Variants in SGF29 observed in about 807,000 individuals in gnomAD.
SGF29 encodes SAGA complex associated factor 29, also known as SAGA-associated factor 29.
SGF29 carries 15 observed loss-of-function variants against 38.1 expected under a neutral mutation model. That is an observed-to-expected ratio of 0.39 (90% CI 0.26 to 0.61). The LOEUF is 0.61. Among genes scored for constraint, SGF29 ranks in the 20% least tolerant of loss-of-function variants. SGF29 has a pLI of 0.49. For synonymous variants in SGF29, 151 were observed against 160.8 expected (o/e 0.94, Z 0.46); for missense variants, 184 against 394.6 (o/e 0.47, Z 4.52).
At chr16:28,564,625 A>G (rs1023107425) in intron 1 of SGF29, among the ~76,000 whole-genome samples, 17 of 124,134 alleles carry the variant, frequency 1.4e-4, no homozygotes, top group East Asian at 4.1e-4. Flanking sequence ...ACATATATGC[A>G]TATATATACG....
chr16:28,562,673 C>T (rs748848302), intron 1 of SGF29, among the ~76,000 whole-genome samples: 10 of 151,880 alleles, frequency 6.6e-5, no homozygotes. Flanking sequence ...GAGGCTGAGG[C>T]GGGAGGATTG....
At chr16:28,560,690 A>T (rs929006256) in intron 1 of SGF29, among the ~76,000 whole-genome samples, 10 of 152,156 alleles carry the variant, frequency 6.6e-5, no homozygotes, top group Non-Finnish European at 1.3e-4. Context: ...GGCCCGGCGC[A>T]GTGGCTCACG....
intron 1 of SGF29, among the ~76,000 whole-genome samples, chr16:28,561,616 G>C (rs570168850): frequency 6.6e-6 from 1 of 152,266 alleles, no homozygotes; most frequent in East Asian, 1.9e-4. Flanking sequence ...GTGGGAACAC[G>C]AGCATGCTAG....
At chr16:28,588,819 C>A in intron 4 of SGF29, 1 of 374,112 alleles carries the variant, frequency 2.7e-6, no homozygotes, top group Non-Finnish European at 5.2e-6. Context: ...GATCCACACT[C>A]CTCGGCCTCC....
chr16:28,590,920 T>C lies in SGF29; in HGVS notation c.750T>C (p.His250=), dbSNP rs763813661. Residue 250 remains histidine (H), a synonymous_variant, in exon 9 of 10, where the codon CAT becomes CAC. Transcript: ENST00000317058. The surrounding 1 kb of genome is among the most constrained non-coding windows in gnomAD (Gnocchi z 8.2). ...QTTCFYRALI[H]APPQRPQDDY... ...CCTGCTTCTACCGCGCCCTGATCCA[T>C]GCGCCCCCACAGCGGGTAAAGCAGC... 3.7e-6 allele frequency: 6 copies of C among 1,610,958 alleles called. No homozygotes were observed. Among genetic ancestry groups the C allele is most frequent in the East Asian group, 2.2e-5 (1 of 44,780 alleles).
rs1714750187 is a variant in SGF29, at chr16:28,571,314, C to G, written c.-15-9741C>G. ...GTGAGCAATAAATTTCTGTTGTTGG[C>G]CAGGCATGGTGGCTCACGCCTGTAA... is the stretch of plus-strand genomic sequence containing the variant. On this transcript the variant is annotated intron_variant, in intron 1 of 9. Transcript: ENST00000317058. 2.0e-5 allele frequency among the ~76,000 whole-genome samples: 3 copies of G among 152,174 alleles called. No homozygotes were observed. The South Asian group carries it at 6.2e-4, about 32-fold the overall frequency.
chr16:28,579,006 C>T (rs949310619), intron 1 of SGF29, among the ~76,000 whole-genome samples: 2 of 152,022 alleles, frequency 1.3e-5, no homozygotes, highest in South Asian at 2.1e-4. Context: ...AGGCTGATCT[C>T]GAGCTCCTGG....
intron 1 of SGF29, among the ~76,000 whole-genome samples, chr16:28,563,993 C>T (rs1460330261): frequency 2.0e-5 from 3 of 152,166 alleles, no homozygotes; most frequent in Admixed American, 1.3e-4. Flanking sequence ...GTGATCTGCC[C>T]GCCTCGGCCT....
rs761679781 is a variant in SGF29 at position 28,585,729 on chromosome 16, C to A, written c.224+9C>A. 6.2e-7 allele frequency: 1 copy of A among 1,613,378 alleles called. No homozygotes were observed. Reference sequence around the variant, plus strand: ...GCAGAGGCTGAGTGCAAGTGAGTACCGTGCACCCACTTCATCGCCGCTCCC... The same window carrying A: ...GCAGAGGCTGAGTGCAAGTGAGTACAGTGCACCCACTTCATCGCCGCTCCC... On this transcript the variant is annotated intron_variant, in intron 4 of 9. Coordinates refer to ENST00000317058, the MANE Select transcript of SGF29 (RefSeq NM_138414.3).
Position 28,590,088 on chromosome 16 carries a change from T to TC in SGF29, c.290-5dup, listed in dbSNP as rs779712141. On this transcript the variant is annotated splice_polypyrimidine_tract_variant and splice_region_variant and intron_variant, in intron 5 of 9. Transcript: ENST00000317058. The surrounding 1 kb of genome is among the most constrained non-coding windows in gnomAD (Gnocchi z 8.2). ...CCTGGGGCCTCAGGCCTCCCTTCCT[T>TC]CCCACAGCGGCCAAGATTGCCGGTC... is the stretch of plus-strand genomic sequence containing the variant. The TC allele has an allele frequency of 6.2e-7, 1 of 1,609,232 alleles. No homozygotes were observed. Among genetic ancestry groups the TC allele is most frequent in the Non-Finnish European group, 8.5e-7 (1 of 1,178,260 alleles).
At chr16:28,585,485 G>A (rs1362978822) in intron 3 of SGF29, 163 bp from the exon 4 acceptor site, 3 of 663,318 alleles carry the variant, frequency 4.5e-6, no homozygotes, top group East Asian at 5.4e-5. Flanking sequence ...GACTCATGGA[G>A]CCTGGGGGCA....
chr16:28,557,650 G>A (rs1232219126), intron 1 of SGF29, among the ~76,000 whole-genome samples: 1 of 152,160 alleles, frequency 6.6e-6, no homozygotes, highest in Non-Finnish European at 1.5e-5. Flanking sequence ...GGACATGCTC[G>A]TGGGACTGAG....
intron 1 of SGF29, among the ~76,000 whole-genome samples, chr16:28,564,190 A>G (rs2046806594): frequency 6.6e-6 from 1 of 152,248 alleles, no homozygotes; most frequent in Non-Finnish European, 1.5e-5. Flanking sequence ...GCTGTTAACC[A>G]GCATCTAGAA....
chr16:28,561,664 A>G (rs939330776), intron 1 of SGF29, among the ~76,000 whole-genome samples: 3 of 152,198 alleles, frequency 2.0e-5, no homozygotes, highest in African/African-American at 7.2e-5. Flanking sequence ...TTACCTCAGC[A>G]TTCCTAAGAA....
intron 1 of SGF29, among the ~76,000 whole-genome samples, chr16:28,556,688 C>G (rs1321151826): frequency 6.6e-6 from 1 of 151,838 alleles, no homozygotes; most frequent in Non-Finnish European, 1.5e-5. Context: ...CTCTGTCACC[C>G]AGGCTGGAGC....
At chr16:28,572,545 A>C (rs2046871215) in intron 1 of SGF29, among the ~76,000 whole-genome samples, 1 of 152,196 alleles carries the variant, frequency 6.6e-6, no homozygotes, top group African/African-American at 2.4e-5. Context: ...CTGGTATTAC[A>C]GGCGTGAGCC....
chr16:28,560,400 C>T (rs2046779462), intron 1 of SGF29, among the ~76,000 whole-genome samples: 1 of 149,544 alleles, frequency 6.7e-6, no homozygotes, highest in Non-Finnish European at 1.5e-5. Flanking sequence ...ACCAGCCTGA[C>T]CAACATGGTG....
chr16:28,571,851 G>A (rs2046866914), intron 1 of SGF29, among the ~76,000 whole-genome samples: 1 of 152,200 alleles, frequency 6.6e-6, no homozygotes. Flanking sequence ...AGTCCCTGAC[G>A]CTACTAATGA....
chr16:28,560,616 T>A (rs1346048521), intron 1 of SGF29, among the ~76,000 whole-genome samples: 2 of 138,856 alleles, frequency 1.4e-5, no homozygotes, highest in African/African-American at 2.7e-5. Flanking sequence ...GAACGAAAAT[T>A]TTAAAATATA....
Sources: gnomAD v4.1 joint callset for allele counts (sites outside exome capture counted in the v4.1 genomes callset) on GRCh38, gnomAD v4.1.1 for gene constraint, Gnocchi (gnomAD v3.1) non-coding constraint, MANE v1.5 for transcripts, NCBI Gene and HGNC (gene_info 2026-07-23, HGNC 2026-07-21) for gene names.